Variants in NUP210L observed in about 807,000 individuals in gnomAD.
NUP210L encodes nucleoporin 210 like, also known as nuclear pore membrane glycoprotein 210-like.
Under a neutral mutation model 208.5 loss-of-function variants are expected in NUP210L, and 74 were observed. The observed-to-expected ratio is 0.35, with a 90% CI of 0.29 to 0.43. The LOEUF (loss-of-function observed/expected upper bound fraction) is 0.43, where lower values mean the gene tolerates loss of function less well. Ranked by LOEUF, NUP210L falls within the 20% of genes least tolerant of loss-of-function variation. The probability of loss-of-function intolerance (pLI) is 1.00; values close to 1 mark genes in which losing one functional copy is unlikely to be tolerated. For synonymous variants in NUP210L, 780 were observed against 816.9 expected (o/e 0.95, Z 0.77); for missense variants, 1,843 against 2,289.4 (o/e 0.81, Z 3.98).
In NUP210L at chr1:154,032,524, A is replaced by G. The variant is rs535159451; in HGVS notation, c.3697-2470T>C. 7.9e-5 allele frequency among the ~76,000 whole-genome samples: 12 copies of G among 151,744 alleles called. No individual in the cohort carries two copies. The East Asian group carries it at 2.3e-3, about 30-fold the overall frequency. On this transcript the variant is annotated intron_variant, in intron 27 of 39. Transcript: ENST00000368559. ...TTTTTTTTTTTGGTAGGGGTGGAAC[A>G]CAGTCTCCCTCTGTCACCCAGGCTG...
At chr1:154,012,485 T>C in intron 33 of NUP210L, 115 bp from the exon 34 acceptor site, 5 of 925,706 alleles carry the variant, frequency 5.4e-6, no homozygotes, top group Admixed American at 2.5e-5. Flanking sequence ...CAAGTACAGA[T>C]TCCATCTCAT....
chr1:154,033,289 T>C (rs1404381463), intron 27 of NUP210L, among the ~76,000 whole-genome samples: 1 of 152,188 alleles, frequency 6.6e-6, no homozygotes, highest in Non-Finnish European at 1.5e-5. Context: ...TGGTTGCCCA[T>C]GTTTGTGGGG....
At chr1:154,059,977 C>T (rs927120952) in intron 20 of NUP210L, among the ~76,000 whole-genome samples, 3 of 152,092 alleles carry the variant, frequency 2.0e-5, no homozygotes, top group African/African-American at 2.4e-5. Context: ...AGTGGCCTGG[C>T]GCAGTGGTTC....
intron 27 of NUP210L, among the ~76,000 whole-genome samples, chr1:154,045,209 C>T (rs576411638): frequency 1.3e-5 from 2 of 152,206 alleles, no homozygotes; most frequent in East Asian, 3.9e-4. Flanking sequence ...CATGGGAATC[C>T]AGTTCTTCCC....
intron 35 of NUP210L, among the ~76,000 whole-genome samples, chr1:154,002,419 G>A (rs942518282): frequency 6.6e-6 from 1 of 151,870 alleles, no homozygotes; most frequent in Admixed American, 6.6e-5. Flanking sequence ...GGATCACAAG[G>A]TCAAGAGTTC....
intron 2 of NUP210L, among the ~76,000 whole-genome samples, chr1:154,146,442 C>A (rs1263167353): frequency 6.6e-6 from 1 of 152,064 alleles, no homozygotes; most frequent in African/African-American, 2.4e-5. Context: ...TCAGCCTGGG[C>A]AACATAGTGA....
At chr1:153,995,332 A>G in intron 37 of NUP210L, 152 bp from the exon 38 acceptor site, 2 of 609,334 alleles carry the variant, frequency 3.3e-6, no homozygotes, top group South Asian at 2.0e-5. Context: ...GCTCACTGCA[A>G]CCTCCAGCAG....
At chr1:154,054,538 C>T in intron 24 of NUP210L, 131 bp from the exon 25 acceptor site, 1 of 867,054 alleles carries the variant, frequency 1.2e-6, no homozygotes, top group Non-Finnish European at 1.8e-6. Flanking sequence ...CCCATATCAA[C>T]TCAAATGCAG....
At chr1:154,148,125 G>T (rs545410129) in intron 2 of NUP210L, among the ~76,000 whole-genome samples, 32 of 151,572 alleles carry the variant, frequency 2.1e-4, no homozygotes, top group South Asian at 1.5e-3. Flanking sequence ...AAATTAGCCA[G>T]GCATGGTGGT....
chr1:154,025,514 GT>G (rs766571391), intron 30 of NUP210L, 27 bp downstream of exon 30: 173 of 1,431,546 alleles, frequency 1.2e-4, no homozygotes, highest in African/African-American at 8.3e-4. Flanking sequence ...TTATTTATTT[GT>G]TTTTTTTAGT....
At chr1:154,108,081 C>T (rs1048432378) in intron 12 of NUP210L, among the ~76,000 whole-genome samples, 7 of 152,054 alleles carry the variant, frequency 4.6e-5, no homozygotes, top group African/African-American at 1.7e-4. Context: ...CTATTCAAGA[C>T]ATAGACAGTA....
chr1:154,147,810 C>A (rs1325920108), intron 2 of NUP210L, among the ~76,000 whole-genome samples: 1 of 151,406 alleles, frequency 6.6e-6, no homozygotes, highest in Non-Finnish European at 1.5e-5. Context: ...CACACACCAC[C>A]ATGCCTGGCT....
At chr1:154,053,119 A>G (rs1257115356) in intron 25 of NUP210L, among the ~76,000 whole-genome samples, 1 of 152,234 alleles carries the variant, frequency 6.6e-6, no homozygotes, top group Admixed American at 6.5e-5. Flanking sequence ...CACTCTGCAA[A>G]CTTGTCTTTG....
At chr1:154,027,153 T>A (rs1651943127) in intron 29 of NUP210L, among the ~76,000 whole-genome samples, 1 of 150,134 alleles carries the variant, frequency 6.7e-6, no homozygotes. Flanking sequence ...TCCATTTATA[T>A]GAAATACATT....
At chr1:153,992,852 A>G (rs1235278724) in exon 40 of NUP210L, 3 of 1,612,530 alleles carry the variant, frequency 1.9e-6, no homozygotes, top group African/African-American at 2.7e-5. Flanking sequence ...CTTATACTCC[A>G]TAACCAATGT....
At chr1:154,140,095 A>G in intron 4 of NUP210L, 143 bp from the exon 5 acceptor site, 1 of 661,120 alleles carries the variant, frequency 1.5e-6, no homozygotes, top group Non-Finnish European at 2.5e-6. Flanking sequence ...TCACGCCTGT[A>G]ATCCTAGCAC....
intron 10 of NUP210L, among the ~76,000 whole-genome samples, chr1:154,121,123 A>G (rs1240139571): frequency 4.6e-5 from 7 of 152,126 alleles, no homozygotes; most frequent in Non-Finnish European, 1.0e-4. Flanking sequence ...ACTATCCAGC[A>G]CATTTAGCAA....
At chr1:153,995,605 C>T (rs201562788) in intron 37 of NUP210L, 2 of 887,780 alleles carry the variant, frequency 2.3e-6, no homozygotes, top group Non-Finnish European at 3.7e-6. Flanking sequence ...CTTCCTCTTC[C>T]AGGGACGTTG....
intron 27 of NUP210L, among the ~76,000 whole-genome samples, chr1:154,039,422 CG>C (rs767461219): frequency 3.3e-5 from 5 of 151,808 alleles, no homozygotes; most frequent in Admixed American, 3.3e-4. Context: ...TTAGTAGAGA[CG>C]GGGGGTTTCA....
Sources: allele counts gnomAD v4.1 joint callset (sites outside exome capture counted in the v4.1 genomes callset), GRCh38; gene constraint gnomAD v4.1.1; transcripts MANE v1.5; gene names NCBI Gene and HGNC (gene_info 2026-07-23, HGNC 2026-07-21).